KAZN: variants seen among roughly 807,000 people sequenced by gnomAD.
KAZN encodes kazrin.
Under a neutral mutation model 87.4 loss-of-function variants are expected in KAZN, and 40 were observed. That is an observed-to-expected ratio of 0.46 (90% CI 0.36 to 0.60). The LOEUF (loss-of-function observed/expected upper bound fraction) is 0.60. Ranked by LOEUF, KAZN falls within the 20% of genes least tolerant of loss-of-function variation. The pLI is 0.00. For synonymous variants in KAZN, 466 were observed against 458.3 expected, an observed-to-expected ratio of 1.02 and a Z score of -0.22; for missense variants, 898 against 1,073.9, an observed-to-expected ratio of 0.84 and a Z score of 2.29.
intron 2 of KAZN, among the ~76,000 whole-genome samples, chr1:14,544,554 G>C (rs12068861): frequency 6.6e-6 from 1 of 151,630 alleles, no homozygotes. Flanking sequence ...ACTTAAAAGA[G>C]ACTCTTTTAG....
intron 1 of KAZN, among the ~76,000 whole-genome samples, chr1:14,138,948 C>T (rs764806586): frequency 6.6e-6 from 1 of 152,152 alleles, no homozygotes. Flanking sequence ...GTGCCAGGGC[C>T]GATGGATTCA....
At chr1:13,998,486 T>C (rs1241665774) in intron 1 of KAZN, among the ~76,000 whole-genome samples, 2 of 152,042 alleles carry the variant, frequency 1.3e-5, no homozygotes, top group African/African-American at 4.8e-5. Flanking sequence ...ACTCAACTCA[T>C]GTGCAAAGAC....
At chr1:14,954,663 A>C (rs1480019195) in intron 1 of KAZN, among the ~76,000 whole-genome samples, 1 of 152,206 alleles carries the variant, frequency 6.6e-6, no homozygotes, top group Non-Finnish European at 1.5e-5. Context: ...TATACGTAAG[A>C]TAGTCACCTG....
chr1:14,702,009 C>A (rs1272033894), intron 1 of KAZN, among the ~76,000 whole-genome samples: 1 of 152,168 alleles, frequency 6.6e-6, no homozygotes, highest in African/African-American at 2.4e-5. Context: ...AGGCCCCTTT[C>A]CCTACTTGTT....
intron 8 of KAZN, among the ~76,000 whole-genome samples, chr1:15,084,467 TA>T (rs1458497951): frequency 6.6e-6 from 1 of 152,086 alleles, no homozygotes; most frequent in African/African-American, 2.4e-5. Flanking sequence ...TCACAGAAAA[TA>T]AGGGAAATCC....
intron 1 of KAZN, among the ~76,000 whole-genome samples, chr1:14,110,886 A>C (rs1231330591): frequency 7.4e-6 from 1 of 135,276 alleles, no homozygotes; most frequent in Non-Finnish European, 1.6e-5. Context: ...TATATATTAC[A>C]ATTAATTTTA....
chr1:14,812,919 A>C (rs976311523), intron 1 of KAZN, among the ~76,000 whole-genome samples: 1 of 152,196 alleles, frequency 6.6e-6, no homozygotes, highest in Non-Finnish European at 1.5e-5. Context: ...TAGCCTTAAG[A>C]AATTCAGTCT....
At chr1:14,724,363 C>G (rs1327763232) in intron 1 of KAZN, among the ~76,000 whole-genome samples, 1 of 152,232 alleles carries the variant, frequency 6.6e-6, no homozygotes. Context: ...CTCCAGGGCA[C>G]AGATGCGTCT....
chr1:14,989,752 A>G (rs1449628509), intron 2 of KAZN, among the ~76,000 whole-genome samples: 1 of 152,168 alleles, frequency 6.6e-6, no homozygotes, highest in Non-Finnish European at 1.5e-5. Context: ...GGCTCCCAGG[A>G]AGAGCCGAGT....
chr1:14,102,127 T>C (rs1290655470), intron 1 of KAZN, among the ~76,000 whole-genome samples: 3 of 152,146 alleles, frequency 2.0e-5, no homozygotes, highest in Non-Finnish European at 2.9e-5. Context: ...CCTTGACTTA[T>C]TTAAAAGCCC....
intron 2 of KAZN, among the ~76,000 whole-genome samples, chr1:14,301,654 G>A (rs918109222): frequency 3.3e-5 from 5 of 152,214 alleles, no homozygotes; most frequent in Middle Eastern, 3.2e-3. Context: ...CCAGCAGCAG[G>A]AAGCATGCAT....
chr1:14,502,733 G>T (rs901593844), intron 2 of KAZN, among the ~76,000 whole-genome samples: 8 of 152,174 alleles, frequency 5.3e-5, no homozygotes, highest in Non-Finnish European at 1.2e-4. Flanking sequence ...TCCCTGCAAG[G>T]TGGGTCAGAG....
intron 1 of KAZN, among the ~76,000 whole-genome samples, chr1:13,922,343 T>C (rs1307461489): frequency 1.3e-5 from 2 of 152,268 alleles, no homozygotes; most frequent in African/African-American, 4.8e-5. Flanking sequence ...CTGTGTTTAC[T>C]GATCCCCTGG....
intron 1 of KAZN, among the ~76,000 whole-genome samples, chr1:14,772,352 C>T (rs991988892): frequency 6.6e-6 from 1 of 152,052 alleles, no homozygotes; most frequent in Admixed American, 6.5e-5. Context: ...GGAGTGGTGG[C>T]ATGCACCTGT....
chr1:14,051,872 C>A (rs1282448819), intron 1 of KAZN, among the ~76,000 whole-genome samples: 1 of 152,150 alleles, frequency 6.6e-6, no homozygotes, highest in Non-Finnish European at 1.5e-5. Context: ...ACAACAACAA[C>A]AACAAAAACC....
Position 14,071,824 on chromosome 1 carries a change from G to A in KAZN, c.92-108611G>A, listed in dbSNP as rs577359802. Among the ~76,000 whole-genome samples the A allele has an allele frequency of 4.6e-5, 7 of 152,354 alleles. No individual in the cohort carries two copies. The South Asian group carries it at 1.0e-3, about 23-fold the overall frequency. Reference sequence around the variant, plus strand: ...GGTGAGGGAAGGGTGCTTGGCAAGAGCTGGCGGTTCTGCCTGAGCAGGTGG... The same window carrying A: ...GGTGAGGGAAGGGTGCTTGGCAAGAACTGGCGGTTCTGCCTGAGCAGGTGG... On this transcript the variant is annotated intron_variant, in intron 1 of 16. Coordinates refer to the KAZN transcript ENST00000636203.
intron 2 of KAZN, among the ~76,000 whole-genome samples, chr1:14,253,298 A>G (rs2100621307): frequency 6.6e-6 from 1 of 152,222 alleles, no homozygotes; most frequent in South Asian, 2.1e-4. Flanking sequence ...CAACCCACCT[A>G]AAAAGTACCC....
At chr1:14,023,034 G>T (rs1640919120) in intron 1 of KAZN, among the ~76,000 whole-genome samples, 1 of 152,286 alleles carries the variant, frequency 6.6e-6, no homozygotes, top group African/African-American at 2.4e-5. Flanking sequence ...GTACTCATTG[G>T]CTGGGTATGG....
intron 1 of KAZN, among the ~76,000 whole-genome samples, chr1:14,859,188 G>A (rs575571019): frequency 2.0e-5 from 3 of 151,054 alleles, no homozygotes; most frequent in South Asian, 4.2e-4. Context: ...TCCAGCCTGG[G>A]TGACAGAGCG....
Sources: allele counts gnomAD v4.1 joint callset (sites outside exome capture counted in the v4.1 genomes callset), GRCh38; gene constraint gnomAD v4.1.1; transcripts MANE v1.5; gene names NCBI Gene and HGNC (gene_info 2026-07-23, HGNC 2026-07-21).